Variants in BIRC6 observed in about 807,000 individuals in gnomAD.
The protein encoded by BIRC6 is baculoviral IAP repeat containing 6, also known as dual E2 ubiquitin-conjugating enzyme/E3 ubiquitin-protein ligase BIRC6.
A neutral mutation model predicts 503.3 loss-of-function variants in BIRC6; 98 were observed. That is an observed-to-expected ratio of 0.19 (90% CI 0.17 to 0.23). The LOEUF is 0.23. Ranked by LOEUF, BIRC6 falls within the 10% of genes least tolerant of loss-of-function variation. BIRC6 has a pLI of 1.00. For missense variants in BIRC6, 5,360 were observed against 5,806.0 expected, an observed-to-expected ratio of 0.92 and a Z score of 2.50; for synonymous variants, 2,240 against 2,078.7, an observed-to-expected ratio of 1.08 and a Z score of -2.11.
chr2:32,414,066 T>A (rs996991078), intron 9 of BIRC6, among the ~76,000 whole-genome samples: 1 of 151,422 alleles, frequency 6.6e-6, no homozygotes. Context: ...CCGAGGCGGG[T>A]GGATTACCTG....
chr2:32,385,473 C>T (rs188632429), intron 3 of BIRC6, among the ~76,000 whole-genome samples: 6 of 152,278 alleles, frequency 3.9e-5, no homozygotes, highest in African/African-American at 1.4e-4. Flanking sequence ...ACATTAGTTT[C>T]GTAGATAGAT....
intron 66 of BIRC6, among the ~76,000 whole-genome samples, chr2:32,576,062 T>G (rs60091319): frequency 1.4e-3 from 212 of 152,330 alleles, no homozygotes; most frequent in African/African-American, 5.0e-3. Flanking sequence ...ACCTTTGTAT[T>G]TAGGTGCTAT....
At chr2:32,462,602 G>T (rs2048114496) in intron 23 of BIRC6, among the ~76,000 whole-genome samples, 1 of 152,062 alleles carries the variant, frequency 6.6e-6, no homozygotes, top group South Asian at 2.1e-4. Context: ...CCCTCAAATT[G>T]TGTAATAAGA....
intron 40 of BIRC6, among the ~76,000 whole-genome samples, chr2:32,486,169 A>G (rs1037840150): frequency 2.6e-5 from 4 of 152,208 alleles, no homozygotes; most frequent in Admixed American, 6.5e-5. Context: ...ATAGTGTAGG[A>G]TGACAGCCAA....
chr2:32,507,686 T>TAGGG (rs1457555215), intron 50 of BIRC6, among the ~76,000 whole-genome samples: 6 of 152,222 alleles, frequency 3.9e-5, no homozygotes, highest in Middle Eastern at 3.2e-3. Context: ...GTTTTATTCA[T>TAGGG]AGGGAGCATC....
At chr2:32,614,077 T>C (rs766438538) in intron 73 of BIRC6, among the ~76,000 whole-genome samples, 2 of 152,220 alleles carry the variant, frequency 1.3e-5, no homozygotes, top group African/African-American at 4.8e-5. Context: ...TCAAGTTTTC[T>C]AGCTTTCTAT....
At position 32,575,746 on chromosome 2, in the gene BIRC6, CA is replaced by C. The variant is rs1436375280; in HGVS notation, c.13355+381del. On this transcript the variant is annotated intron_variant, in intron 66 of 73. Transcript: ENST00000421745. ...CGCCACTGCACTCCAGCCTGGGTGA[CA>C]GAGCGAGACTCCGTCTCAAAAAAAA... Among the ~76,000 whole-genome samples, 3 of 150,712 alleles carry C rather than the reference CA, an allele frequency of 2.0e-5. No homozygotes were observed. In the East Asian group the frequency reaches 5.8e-4, roughly 29 times the overall value.
rs1015452393 is a variant in BIRC6, at chr2:32,419,922, G to A, written c.2872+3759G>A. Among the ~76,000 whole-genome samples, 12 of 152,234 alleles carry A rather than the reference G, an allele frequency of 7.9e-5. No individual in the cohort carries two copies. In the East Asian group the frequency reaches 1.3e-3, roughly 17 times the overall value. On this transcript the variant is annotated intron_variant, in intron 10 of 73. Coordinates refer to ENST00000421745, the MANE Select transcript of BIRC6 (RefSeq NM_016252.4). Reference sequence around the variant, plus strand: ...CTAAGAGTTTCCAATAGGAATGAACGTCATATTTTGTCAAATACTTGTTTA... The same window carrying A: ...CTAAGAGTTTCCAATAGGAATGAACATCATATTTTGTCAAATACTTGTTTA...
At chr2:32,462,174 T>TA (rs199648824) in intron 23 of BIRC6, among the ~76,000 whole-genome samples, 2,574 of 152,348 alleles carry the variant, frequency 0.017, 55 homozygotes, top group Middle Eastern at 0.075. Context: ...TTGCTATTCT[T>TA]ATAGCAGTTA....
intron 59 of BIRC6, among the ~76,000 whole-genome samples, chr2:32,526,197 G>GT (rs1359156748): frequency 6.6e-6 from 1 of 152,082 alleles, no homozygotes; most frequent in Non-Finnish European, 1.5e-5. Flanking sequence ...ACACAACACA[G>GT]TTTTTTCAGT....
intron 57 of BIRC6, among the ~76,000 whole-genome samples, chr2:32,523,996 A>G (rs961378351): frequency 6.6e-6 from 1 of 151,858 alleles, no homozygotes; most frequent in Non-Finnish European, 1.5e-5. Context: ...GTGAACCGCG[A>G]TTACACCACT....
intron 1 of BIRC6, among the ~76,000 whole-genome samples, chr2:32,375,923 C>T (rs930648303): frequency 7.2e-5 from 11 of 152,032 alleles, no homozygotes; most frequent in African/African-American, 2.4e-4. Context: ...CAGTGGCTCA[C>T]GCCTATAATC....
At position 32,571,378 on chromosome 2, in the gene BIRC6, C is replaced by CTTTTTTTTT. The variant is rs61599835; in HGVS notation, c.13145-3762_13145-3754dup. ...GGCTGTGAATTCATGTGGTCCTGGGCTTTTTTTTTTTTTTTTTTTTTTTTG... is the reference window on the plus strand; with the variant it reads ...GGCTGTGAATTCATGTGGTCCTGGGCTTTTTTTTTTTTTTTTTTTTTTTTTTTTTTTTTG... On this transcript the variant is annotated intron_variant, in intron 65 of 73. Coordinates refer to ENST00000421745, the MANE Select transcript of BIRC6 (RefSeq NM_016252.4). 9.8e-4 allele frequency among the ~76,000 whole-genome samples: 20 copies of CTTTTTTTTT among 20,312 alleles called. 1 individual carries two copies. Among genetic ancestry groups the CTTTTTTTTT allele is most frequent in the East Asian group, 1.8e-3 (1 of 562 alleles). The allele number at this position is 20,312 out of a possible 152,430, so 13.3% of individuals were successfully genotyped here. A position where few individuals can be genotyped will look rare whatever the true frequency, so the allele number is the denominator to read the frequency against.
At chr2:32,482,036 A>C (rs1263676283) in intron 38 of BIRC6, among the ~76,000 whole-genome samples, 2 of 152,226 alleles carry the variant, frequency 1.3e-5, no homozygotes, top group African/African-American at 4.8e-5. Flanking sequence ...ACAGAAGTAT[A>C]GTTATAGATC....
At chr2:32,452,067 T>C (rs1304468869) in intron 22 of BIRC6, among the ~76,000 whole-genome samples, 1 of 152,224 alleles carries the variant, frequency 6.6e-6, no homozygotes, top group Non-Finnish European at 1.5e-5. Flanking sequence ...AGATACCACA[T>C]TGTAACCTTT....
intron 1 of BIRC6, among the ~76,000 whole-genome samples, chr2:32,367,926 A>C (rs2035203890): frequency 6.6e-6 from 1 of 152,168 alleles, no homozygotes; most frequent in South Asian, 2.1e-4. Flanking sequence ...AGAGGAAATG[A>C]ATTTTTGAGT....
intron 61 of BIRC6, among the ~76,000 whole-genome samples, chr2:32,536,123 C>T (rs1488728363): frequency 2.0e-5 from 3 of 152,178 alleles, no homozygotes; most frequent in African/African-American, 7.2e-5. Flanking sequence ...AGCATTTGTT[C>T]ATATCCTTCG....
At chr2:32,397,924 C>G (rs912711364) in intron 6 of BIRC6, among the ~76,000 whole-genome samples, 2 of 152,078 alleles carry the variant, frequency 1.3e-5, no homozygotes, top group Non-Finnish European at 2.9e-5. Context: ...TCTACCTCTT[C>G]TTTGCACCAG....
intron 61 of BIRC6, among the ~76,000 whole-genome samples, chr2:32,534,296 C>T (rs2057018274): frequency 6.6e-6 from 1 of 150,944 alleles, no homozygotes; most frequent in African/African-American, 2.4e-5. Context: ...ATTGCTTGAA[C>T]CCGGGAGGTG....
Sources: gnomAD v4.1 joint callset for allele counts (sites outside exome capture counted in the v4.1 genomes callset) on GRCh38, gnomAD v4.1.1 for gene constraint, MANE v1.5 for transcripts, NCBI Gene and HGNC (gene_info 2026-07-23, HGNC 2026-07-21) for gene names.